The following TIAM2 variants were observed in gnomAD, a reference collection of about 807,000 sequenced individuals.
TIAM2 encodes rho guanine nucleotide exchange factor TIAM2.
TIAM2 carries 80 observed loss-of-function variants against 152.9 expected under a neutral mutation model. The observed-to-expected ratio is 0.52, with a 90% CI of 0.44 to 0.63. The LOEUF is 0.63. Ranked by LOEUF, TIAM2 falls within the 30% of genes least tolerant of loss-of-function variation. TIAM2 has a pLI of 0.00. For missense variants in TIAM2, 1,965 were observed against 2,120.1 expected (o/e 0.93, Z 1.44); for synonymous variants, 804 against 838.0 (o/e 0.96, Z 0.70).
At chr6:155,093,919 A>G (rs1778355063) in intron 2 of TIAM2, among the ~76,000 whole-genome samples, 1 of 152,092 alleles carries the variant, frequency 6.6e-6, no homozygotes. Flanking sequence ...TTTTAATTTA[A>G]AATGTTTTTT....
chr6:155,250,134 TATC>T (rs1303624463), intron 21 of TIAM2, among the ~76,000 whole-genome samples, 165 bp downstream of exon 21: 4 of 152,294 alleles, frequency 2.6e-5, no homozygotes, highest in South Asian at 4.1e-4. Context: ...CATATAGACA[TATC>T]ATAAAATTCA....
At chr6:155,224,429 G>A (rs1473480983) in intron 15 of TIAM2, among the ~76,000 whole-genome samples, 6 of 152,174 alleles carry the variant, frequency 3.9e-5, no homozygotes, top group South Asian at 2.1e-4. Flanking sequence ...AGGTACACAT[G>A]ATGGTATTTT....
chr6:155,211,160 G>A, intron 14 of TIAM2, 44 bp from the exon 15 acceptor site: 1 of 1,572,816 alleles, frequency 6.4e-7, no homozygotes, highest in African/African-American at 1.4e-5. Flanking sequence ...ATTATTCTCT[G>A]CAAATGGCCA....
chr6:155,073,970 C>T (rs1338130906), intron 1 of TIAM2, among the ~76,000 whole-genome samples: 2 of 152,154 alleles, frequency 1.3e-5, no homozygotes, highest in Admixed American at 6.5e-5. Flanking sequence ...GGGAGAGAGA[C>T]GTAAGGGTGC....
chr6:155,098,016 TG>T (rs1377102369), intron 2 of TIAM2, among the ~76,000 whole-genome samples: 1 of 152,194 alleles, frequency 6.6e-6, no homozygotes, highest in Non-Finnish European at 1.5e-5. Context: ...CTGGTGTATG[TG>T]TTTTTTTGTT....
chr6:155,038,511 C>T (rs1157654150), intron 1 of TIAM2, among the ~76,000 whole-genome samples: 1 of 152,238 alleles, frequency 6.6e-6, no homozygotes, highest in Non-Finnish European at 1.5e-5. Flanking sequence ...TGCGTGCTCC[C>T]TTTGCTTTCG....
At chr6:155,130,783 C>T (rs1779427966) in intron 4 of TIAM2, among the ~76,000 whole-genome samples, 1 of 152,166 alleles carries the variant, frequency 6.6e-6, no homozygotes, top group Non-Finnish European at 1.5e-5. Flanking sequence ...CTCTTCCTGG[C>T]TGCAGACAGC....
At chr6:155,178,675 A>G (rs1780818297) in intron 10 of TIAM2, among the ~76,000 whole-genome samples, 1 of 151,998 alleles carries the variant, frequency 6.6e-6, no homozygotes, top group East Asian at 1.9e-4. Context: ...CCTGGGTTCA[A>G]TCGATTCTCC....
At chr6:155,203,739 C>A (rs1162350818) in intron 14 of TIAM2, among the ~76,000 whole-genome samples, 1 of 152,090 alleles carries the variant, frequency 6.6e-6, no homozygotes, top group African/African-American at 2.4e-5. Flanking sequence ...AGATGAGAGT[C>A]CCACTGAAAT....
intron 2 of TIAM2, among the ~76,000 whole-genome samples, chr6:155,126,737 A>C (rs575489642): frequency 6.6e-6 from 1 of 152,184 alleles, no homozygotes; most frequent in Admixed American, 6.5e-5. Context: ...GTCTCAAATA[A>C]ATAAATAAAT....
chr6:155,123,196 T>C (rs1040119672), intron 2 of TIAM2, among the ~76,000 whole-genome samples: 10 of 152,038 alleles, frequency 6.6e-5, no homozygotes, highest in Non-Finnish European at 1.2e-4. Flanking sequence ...TTTTTTTTTT[T>C]CTTCCCTGCC....
chr6:155,181,347 A>T (rs6910276), intron 12 of TIAM2, among the ~76,000 whole-genome samples: 18,198 of 152,242 alleles, frequency 0.12, 1,247 homozygotes, highest in Middle Eastern at 0.17. Context: ...TCACCTTCTT[A>T]AAATGCTCAA....
chr6:155,184,149 T>G lies in TIAM2; in HGVS notation c.3064+649T>G, dbSNP rs887529619. Among the ~76,000 whole-genome samples the G allele has an allele frequency of 2.4e-4, 36 of 152,184 alleles. 1 individual carries two copies. The highest frequency in any genetic ancestry group is 7.7e-4 in the African/African-American group (32 of 41,516). ...GACTACAAACGTGTACCACCATGCC[T>G]CGCTAATTTTTGCATTTTTAGTAGA... On this transcript the variant is annotated intron_variant, in intron 14 of 26. Transcript: ENST00000682666.
intron 21 of TIAM2, 162 bp from the exon 22 acceptor site, chr6:155,250,751 T>C: frequency 8.8e-7 from 1 of 1,141,318 alleles, no homozygotes; most frequent in South Asian, 1.5e-5. Flanking sequence ...ACTCATATTT[T>C]CAAAAGCTCC....
chr6:155,169,513 T>G (rs900334511), intron 9 of TIAM2, among the ~76,000 whole-genome samples: 1 of 152,216 alleles, frequency 6.6e-6, no homozygotes. Context: ...TACATCTCTA[T>G]TCCTCAGCAG....
At chr6:155,185,459 TAGTA>T (rs1449602913) in intron 14 of TIAM2, among the ~76,000 whole-genome samples, 1 of 151,776 alleles carries the variant, frequency 6.6e-6, no homozygotes, top group Non-Finnish European at 1.5e-5. Context: ...TTTTTTTAAA[TAGTA>T]AGGATCAAGC....
chr6:155,011,479 G>A (rs1047290886), intron 1 of TIAM2, among the ~76,000 whole-genome samples: 4 of 152,200 alleles, frequency 2.6e-5, no homozygotes, highest in East Asian at 1.9e-4. Flanking sequence ...AAACTTAGAC[G>A]ATCACTTCAG....
At chr6:155,049,149 C>T (rs1777268512) in intron 1 of TIAM2, among the ~76,000 whole-genome samples, 1 of 152,072 alleles carries the variant, frequency 6.6e-6, no homozygotes, top group African/African-American at 2.4e-5. Context: ...AACACAAAAC[C>T]AGAGGCTGTG....
rs1386932998 is a variant in TIAM2, at chr6:155,127,577, C to T, written c.-30C>T. 1 of 456,026 alleles carries T rather than the reference C, an allele frequency of 2.2e-6. No homozygotes were observed. Among genetic ancestry groups the T allele is most frequent in the Non-Finnish European group, 4.4e-6 (1 of 226,798 alleles). The allele number at this position is 456,026 out of a possible 1,614,324, so 28.2% of individuals were successfully genotyped here. A position where few individuals can be genotyped will look rare whatever the true frequency, so the allele number is the denominator to read the frequency against. The stretch of plus-strand genomic sequence containing the variant: ...TAAAGCCTACTGACCACTAACCTCC[C>T]TCACAGCAGAAACTAGACGTCAGGT... On this transcript the variant is annotated 5_prime_UTR_variant, in exon 3 of 27. Transcript: ENST00000682666.
Sources: gnomAD v4.1 joint callset for allele counts (sites outside exome capture counted in the v4.1 genomes callset) on GRCh38, gnomAD v4.1.1 for gene constraint, MANE v1.5 for transcripts, NCBI Gene and HGNC (gene_info 2026-07-23, HGNC 2026-07-21) for gene names.